PDZD2: variants seen among roughly 807,000 people sequenced by gnomAD.
PDZD2 encodes PDZ domain containing 2, also known as PDZ domain-containing protein 2.
PDZD2 carries 90 observed loss-of-function variants against 220.7 expected under a neutral mutation model. The ratio of observed to expected loss-of-function variants is 0.41; its 90% CI spans 0.34 to 0.49. The LOEUF is 0.49. PDZD2 is among the 20% of genes least tolerant of loss of function. PDZD2 has a pLI of 0.28. For missense variants in PDZD2, 3,174 were observed against 3,608.5 expected, an observed-to-expected ratio of 0.88 and a Z score of 3.08; for synonymous variants, 1,375 against 1,450.5, an observed-to-expected ratio of 0.95 and a Z score of 1.18.
chr5:31,842,954 TCA>T (rs1212960660), intron 2 of PDZD2, among the ~76,000 whole-genome samples: 7 of 152,166 alleles, frequency 4.6e-5, no homozygotes, highest in African/African-American at 1.7e-4. Flanking sequence ...CGATCTTGGC[TCA>T]CTGCCACCTC....
At chr5:31,925,377 A>C (rs1339961069) in intron 2 of PDZD2, among the ~76,000 whole-genome samples, 4 of 152,222 alleles carry the variant, frequency 2.6e-5, no homozygotes, top group Non-Finnish European at 5.9e-5. Flanking sequence ...CTGTCTGTTT[A>C]ATAAATGGTG....
chr5:31,974,732 A>G (rs897606778), intron 2 of PDZD2, among the ~76,000 whole-genome samples: 3 of 152,150 alleles, frequency 2.0e-5, no homozygotes, highest in Non-Finnish European at 4.4e-5. Context: ...TGGTGTATAG[A>G]TGAGTGTGAC....
chr5:31,676,217 C>A (rs1374956155), intron 1 of PDZD2, among the ~76,000 whole-genome samples: 1 of 152,154 alleles, frequency 6.6e-6, no homozygotes, highest in Non-Finnish European at 1.5e-5. Context: ...GCTCATTAAT[C>A]ACTCAGTGTA....
intron 1 of PDZD2, among the ~76,000 whole-genome samples, chr5:31,747,003 C>T (rs541995564): frequency 2.0e-5 from 3 of 152,152 alleles, no homozygotes; most frequent in South Asian, 2.1e-4. Flanking sequence ...AGTAAAACCC[C>T]GTCTCTACTG....
intron 2 of PDZD2, among the ~76,000 whole-genome samples, chr5:31,841,607 A>G (rs1392014837): frequency 1.3e-5 from 2 of 151,946 alleles, no homozygotes; most frequent in African/African-American, 4.8e-5. Flanking sequence ...CAGGAGGCGG[A>G]GGTTGCAGTG....
chr5:31,768,242 G>A (rs2150194912), intron 1 of PDZD2, among the ~76,000 whole-genome samples: 1 of 152,332 alleles, frequency 6.6e-6, no homozygotes, highest in East Asian at 1.9e-4. Flanking sequence ...GTGAAAGGCA[G>A]GCGAGCAGGC....
chr5:32,018,607 G>A (rs1274332900), intron 6 of PDZD2, among the ~76,000 whole-genome samples: 3 of 152,324 alleles, frequency 2.0e-5, no homozygotes, highest in Non-Finnish European at 2.9e-5. Flanking sequence ...CCTCATTCTC[G>A]GCACCAACCC....
intron 2 of PDZD2, among the ~76,000 whole-genome samples, chr5:31,883,811 A>T (rs1740168510): frequency 6.6e-6 from 1 of 152,102 alleles, no homozygotes. Context: ...TGTGTTGGCC[A>T]GGATGGTCTG....
intron 1 of PDZD2, among the ~76,000 whole-genome samples, chr5:31,684,402 GT>G (rs1184772519): frequency 1.3e-5 from 2 of 152,064 alleles, no homozygotes; most frequent in African/African-American, 4.8e-5. Context: ...CTGGCACTGT[GT>G]TAAAGCCATA....
At position 32,087,347 on chromosome 5, in the gene PDZD2, CT is replaced by C; in HGVS notation, c.3900del (p.Asp1301ThrfsTer33). On this transcript the variant is annotated frameshift_variant, in exon 20 of 25. Coordinates refer to ENST00000438447, the MANE Select transcript of PDZD2 (RefSeq NM_178140.4). LOFTEE classifies it high-confidence loss of function. The surrounding 1 kb of genome is among the most constrained non-coding windows in gnomAD (Gnocchi z 4.0). The part of the protein sequence containing the change: ...PSPGEKAAAP[P>X]DYSKTRSASE... ...CCGGGGGAGAAAGCAGCGGCTCCCC[CT>C]GACTACAGCAAGACTCGATCAGCAT... 1 of 1,614,136 alleles carries C rather than the reference CT, an allele frequency of 6.2e-7. No homozygotes were observed. Among genetic ancestry groups the C allele is most frequent in the Non-Finnish European group, 8.5e-7 (1 of 1,179,990 alleles).
chr5:32,002,677 ACAC>A (rs1752259980), intron 5 of PDZD2, among the ~76,000 whole-genome samples: 1 of 133,236 alleles, frequency 7.5e-6, no homozygotes. Context: ...CACCACACAC[ACAC>A]CAACACACAC....
chr5:32,098,294 T>G lies in PDZD2; in HGVS notation c.7948-70T>G, dbSNP rs538393366. The G allele has an allele frequency of 1.2e-4, 179 of 1,464,124 alleles. 1 individual carries two copies. The highest frequency in any genetic ancestry group is 1.6e-4 in the Non-Finnish European group (167 of 1,064,178). 90.7% of individuals were successfully genotyped at this position (1,464,124 alleles called of 1,614,324 possible). A position where few individuals can be genotyped will look rare whatever the true frequency, so the allele number is the denominator to read the frequency against. On this transcript the variant is annotated intron_variant, in intron 22 of 24. Coordinates refer to ENST00000438447, the MANE Select transcript of PDZD2 (RefSeq NM_178140.4). This position sits in a 1 kb window ranked among gnomAD's most constrained non-coding sequence, Gnocchi z 4.1. ...CCTTTACTACAGATACGCAGTTAGT[T>G]ACTATCTCCCTTTTACCGGAAATCG...
intron 2 of PDZD2, among the ~76,000 whole-genome samples, chr5:31,801,982 G>A (rs976453471): frequency 2.6e-5 from 4 of 152,122 alleles, no homozygotes; most frequent in African/African-American, 9.7e-5. Flanking sequence ...TGTTGGGGGA[G>A]TGACAGGATG....
At chr5:31,808,247 T>A (rs1431828951) in intron 2 of PDZD2, among the ~76,000 whole-genome samples, 1 of 152,172 alleles carries the variant, frequency 6.6e-6, no homozygotes, top group Non-Finnish European at 1.5e-5. Context: ...TTAGAGACAT[T>A]AAGGAAAGGT....
Position 31,849,961 on chromosome 5 carries a change from T to C in PDZD2, c.476+50237T>C, listed in dbSNP as rs1352674375. ...ATATATATATATACATATATATATATACACATATATATATATACATATATA... is the reference window on the plus strand; with the variant it reads ...ATATATATATATACATATATATATACACACATATATATATATACATATATA... On this transcript the variant is annotated intron_variant, in intron 2 of 24. Transcript: ENST00000438447. Among the ~76,000 whole-genome samples the C allele has an allele frequency of 5.4e-4, 11 of 20,402 alleles. 1 individual carries two copies. The highest frequency in any genetic ancestry group is 3.7e-3 in the East Asian group (2 of 534). The allele number at this position is 20,402 out of a possible 152,430, so 13.4% of individuals were successfully genotyped here. A position where few individuals can be genotyped will look rare whatever the true frequency, so the allele number is the denominator to read the frequency against.
intron 6 of PDZD2, among the ~76,000 whole-genome samples, chr5:32,025,122 A>G (rs968106161): frequency 7.2e-5 from 11 of 152,186 alleles, no homozygotes; most frequent in African/African-American, 2.7e-4. Context: ...TGAACTCAAC[A>G]CTATTCCTAG....
chr5:32,087,170 A>T lies in PDZD2; in HGVS notation c.3722A>T (p.Lys1241Met), dbSNP rs750164891. 5.0e-6 allele frequency: 8 copies of T among 1,613,324 alleles called. No individual in the cohort carries two copies. In the South Asian group the frequency reaches 8.8e-5, roughly 18 times the overall value. ...SSSDLISSPG[K>M]KGAAHPDPSK... ...TCAGACCTCATCTCTTCCCCAGGGA[A>T]GAAGGGGGCCGCTCATCCTGACCCC... The change falls in exon 20 of 25, where the codon AAG becomes ATG. Residue 1241 changes from lysine to methionine, a missense_variant. By Grantham distance (95) the Lys-to-Met change is moderately conservative. Transcript: ENST00000438447. This position sits in a 1 kb window ranked among gnomAD's most constrained non-coding sequence, Gnocchi z 4.0.
chr5:32,100,921 A>G (rs2111682041), intron 23 of PDZD2, 184 bp from the exon 24 acceptor site: 1 of 1,595,298 alleles, frequency 6.3e-7, no homozygotes, highest in East Asian at 2.2e-5. Context: ...CAGCCCCAGA[A>G]TTGGGAGGCC....
At chr5:32,023,361 C>T (rs1214495930) in intron 6 of PDZD2, among the ~76,000 whole-genome samples, 1 of 152,132 alleles carries the variant, frequency 6.6e-6, no homozygotes, top group Non-Finnish European at 1.5e-5. Context: ...AAGCCACGTT[C>T]TCTCATTGCA....
Sources: gnomAD v4.1 joint callset for allele counts (sites outside exome capture counted in the v4.1 genomes callset) on GRCh38, gnomAD v4.1.1 for gene constraint, Gnocchi (gnomAD v3.1) non-coding constraint, MANE v1.5 for transcripts, NCBI Gene and HGNC (gene_info 2026-07-23, HGNC 2026-07-21) for gene names.